The following VWA3B variants were observed in gnomAD, a reference collection of about 807,000 sequenced individuals.
VWA3B encodes the protein von Willebrand factor A domain-containing protein 3B.
In VWA3B, 138 loss-of-function variants were observed where a neutral mutation model predicts 158.3. The observed-to-expected ratio is 0.87, with a 90% CI of 0.76 to 1.00. The LOEUF (loss-of-function observed/expected upper bound fraction) is 1.00, where lower values mean the gene tolerates loss of function less well. Among genes scored for constraint, VWA3B ranks in the 50% least tolerant of loss-of-function variants. The pLI is 0.00. For synonymous variants in VWA3B, 596 were observed against 587.3 expected (o/e 1.01, Z -0.21); for missense variants, 1,555 against 1,565.1 (o/e 0.99, Z 0.11).
At chr2:98,280,850 CACT>C (rs1688836420) in intron 22 of VWA3B, among the ~76,000 whole-genome samples, 2 of 152,232 alleles carry the variant, frequency 1.3e-5, no homozygotes, top group Admixed American at 1.3e-4. Context: ...GGCCAGGCAG[CACT>C]GCCAGCTTTC....
In VWA3B at chr2:98,290,568, C is replaced by T. The variant is rs759802559; in HGVS notation, c.3103C>T (p.Leu1035Phe). Residue 1035 changes from leucine to phenylalanine, a missense_variant, in exon 23 of 28, where the codon CTC becomes TTC. Physicochemically the swap from Leu to Phe is conservative, Grantham distance 22. Coordinates refer to ENST00000477737, the MANE Select transcript of VWA3B (RefSeq NM_144992.5). ...AACCAAATCAAAAAGACCAGATCCCCTCAAAGGACAGAAGGTTATTGCAAG... is the reference window on the plus strand; with the variant it reads ...AACCAAATCAAAAAGACCAGATCCCTTCAAAGGACAGAAGGTTATTGCAAG... ...KKTKSKRPDP[L>F]KGQKVIARCD... The T allele has an allele frequency of 1.3e-6, 2 of 1,593,462 alleles. No individual in the cohort carries two copies. Among genetic ancestry groups the T allele is most frequent in the African/African-American group, 1.4e-5 (1 of 73,066 alleles).
Position 98,092,816 on chromosome 2 carries a change from GTATATATATATATATATA to G in VWA3B, c.-32-218_-32-201del, listed in dbSNP as rs70940110. 8.5e-3 allele frequency among the ~76,000 whole-genome samples: 438 copies of G among 51,512 alleles called. 2 individuals carry two copies. Among genetic ancestry groups the G allele is most frequent in the Middle Eastern group, 0.056 (4 of 72 alleles). 33.8% of individuals were successfully genotyped at this position (51,512 alleles called of 152,430 possible). A position where few individuals can be genotyped will look rare whatever the true frequency, so the allele number is the denominator to read the frequency against. ...ACGGAATATCTTTCTAGATGTTTTT[GTATATATATATATATATA>G]TATATATATATATATATATATATAT... On this transcript the variant is annotated intron_variant, in intron 1 of 27. Transcript: ENST00000477737.
intron 22 of VWA3B, among the ~76,000 whole-genome samples, chr2:98,274,232 C>T (rs1255523914): frequency 1.3e-5 from 2 of 152,214 alleles, no homozygotes; most frequent in South Asian, 2.1e-4. Flanking sequence ...TGCACCAGAG[C>T]ATCACTGCTG....
rs1688137104 is a variant in VWA3B, at chr2:98,270,575, A to G, written c.2844-107A>G. 1.3e-5 allele frequency: 15 copies of G among 1,152,200 alleles called. No homozygotes were observed. In the South Asian group the frequency reaches 1.4e-4, roughly 11 times the overall value. 71.4% of individuals were successfully genotyped at this position (1,152,200 alleles called of 1,614,324 possible). ...ACACTAGCTTCAACAGATGTTTCTCAGGGGAGAATTTCTTAGGAAACCATC... is the reference window on the plus strand; with the variant it reads ...ACACTAGCTTCAACAGATGTTTCTCGGGGGAGAATTTCTTAGGAAACCATC... On this transcript the variant is annotated intron_variant, in intron 21 of 27. Transcript: ENST00000477737.
At chr2:98,196,773 T>A (rs1034725265) in intron 12 of VWA3B, among the ~76,000 whole-genome samples, 2 of 152,366 alleles carry the variant, frequency 1.3e-5, no homozygotes, top group African/African-American at 4.8e-5. Context: ...TTGTTCTGTT[T>A]ACCATCTGGA....
chr2:98,168,955 T>C (rs1003471978), intron 8 of VWA3B, among the ~76,000 whole-genome samples: 6 of 152,134 alleles, frequency 3.9e-5, no homozygotes, highest in Non-Finnish European at 1.5e-5. Context: ...GTTTCCAAAT[T>C]TGATGAAAAC....
At chr2:98,105,378 C>T (rs1683364818) in intron 2 of VWA3B, among the ~76,000 whole-genome samples, 2 of 152,082 alleles carry the variant, frequency 1.3e-5, no homozygotes, top group Non-Finnish European at 2.9e-5. Flanking sequence ...AGTATAATAT[C>T]AAAATGAGGA....
At chr2:98,100,036 G>A (rs1297623844) in intron 2 of VWA3B, among the ~76,000 whole-genome samples, 1 of 152,108 alleles carries the variant, frequency 6.6e-6, no homozygotes, top group Non-Finnish European at 1.5e-5. Flanking sequence ...CTTTGAAAAT[G>A]TTGTCAGGCC....
At chr2:98,320,708 A>G in the VWA3B span, among the ~76,000 whole-genome samples, 1 of 152,122 alleles carries the variant, frequency 6.6e-6, no homozygotes, top group Non-Finnish European at 1.5e-5. Flanking sequence ...ATTGAGAGAG[A>G]TGATTTAGGG....
intron 7 of VWA3B, among the ~76,000 whole-genome samples, chr2:98,134,924 G>A (rs1171901206): frequency 6.6e-6 from 1 of 151,770 alleles, no homozygotes; most frequent in Non-Finnish European, 1.5e-5. Context: ...GCAGAGGAGG[G>A]GAGATGTTCC....
chr2:98,111,325 G>T lies in VWA3B; in HGVS notation c.197-4327G>T, dbSNP rs537350386. Among the ~76,000 whole-genome samples the T allele has an allele frequency of 2.0e-5, 3 of 152,266 alleles. No individual in the cohort carries two copies. In the South Asian group the frequency reaches 6.2e-4, roughly 32 times the overall value. ...TTCCATAGTCTATACACACCATGTG[G>T]TCTATATATATAAACCACATTTTAA... is the stretch of plus-strand genomic sequence containing the variant. On this transcript the variant is annotated intron_variant, in intron 2 of 27. Coordinates refer to ENST00000477737, the MANE Select transcript of VWA3B (RefSeq NM_144992.5).
At chr2:98,301,032 T>G (rs536574072) in intron 25 of VWA3B, among the ~76,000 whole-genome samples, 2 of 152,288 alleles carry the variant, frequency 1.3e-5, no homozygotes, top group East Asian at 3.9e-4. Flanking sequence ...GGCTCACGCC[T>G]GTAATCCCAG....
At chr2:98,239,560 T>G (rs1685936272) in intron 19 of VWA3B, among the ~76,000 whole-genome samples, 1 of 151,788 alleles carries the variant, frequency 6.6e-6, no homozygotes, top group South Asian at 2.1e-4. Flanking sequence ...TAGCTTTTAA[T>G]TTTTATTGTA....
chr2:98,106,552 T>C (rs1312753780), intron 2 of VWA3B, among the ~76,000 whole-genome samples: 1 of 152,232 alleles, frequency 6.6e-6, no homozygotes, highest in Non-Finnish European at 1.5e-5. Flanking sequence ...TTACATATTA[T>C]TTGATTTCTT....
intron 21 of VWA3B, among the ~76,000 whole-genome samples, chr2:98,264,730 G>C (rs1382874564): frequency 6.6e-6 from 1 of 152,120 alleles, no homozygotes; most frequent in Non-Finnish European, 1.5e-5. Flanking sequence ...AGGCCCAGTT[G>C]ATTGGTGGTG....
intron 7 of VWA3B, among the ~76,000 whole-genome samples, chr2:98,156,050 C>T (rs1678042670): frequency 1.3e-5 from 2 of 152,122 alleles, no homozygotes; most frequent in African/African-American, 4.8e-5. Context: ...TGGGGTGGGG[C>T]CTAGGAATCT....
chr2:98,216,045 T>A (rs1683959503), intron 13 of VWA3B, among the ~76,000 whole-genome samples: 2 of 152,342 alleles, frequency 1.3e-5, no homozygotes, highest in South Asian at 2.1e-4. Flanking sequence ...AGGCCCGTGT[T>A]ATTATTCCAA....
At chr2:98,107,318 T>C (rs1673745774) in intron 2 of VWA3B, among the ~76,000 whole-genome samples, 1 of 152,148 alleles carries the variant, frequency 6.6e-6, no homozygotes, top group Admixed American at 6.5e-5. Context: ...AATGGTTTTG[T>C]CTGGTTTTGG....
At chr2:98,239,911 TAA>T (rs1203490437) in intron 19 of VWA3B, among the ~76,000 whole-genome samples, 17 of 135,674 alleles carry the variant, frequency 1.3e-4, no homozygotes, top group Admixed American at 1.5e-4. Context: ...AGACTTCATC[TAA>T]AAAAAAAAAA....
Sources: gnomAD v4.1 joint callset for allele counts (sites outside exome capture counted in the v4.1 genomes callset) on GRCh38, gnomAD v4.1.1 for gene constraint, MANE v1.5 for transcripts, NCBI Gene and HGNC (gene_info 2026-07-23, HGNC 2026-07-21) for gene names.